ZMYND8: variants seen among roughly 807,000 people sequenced by gnomAD.
ZMYND8 encodes the protein zinc finger MYND-type containing 8.
In ZMYND8, 37 loss-of-function variants were observed where a neutral mutation model predicts 140.8. The ratio of observed to expected loss-of-function variants is 0.26; its 90% CI spans 0.20 to 0.35. The LOEUF is 0.35. Ranked by LOEUF, ZMYND8 falls within the 10% of genes least tolerant of loss-of-function variation. The pLI, the probability that ZMYND8 is intolerant of heterozygous loss-of-function variation, is 1.00. For missense variants in ZMYND8, 1,068 were observed against 1,570.0 expected (o/e 0.68, Z 5.40); for synonymous variants, 592 against 597.1 (o/e 0.99, Z 0.12).
rs189439141 is a variant in ZMYND8, at chr20:47,316,526, C to T, written c.86-6322G>A. 1.3e-3 allele frequency among the ~76,000 whole-genome samples: 202 copies of T among 151,982 alleles called. 2 individuals carry two copies. The highest frequency in any genetic ancestry group is 4.7e-3 in the African/African-American group (195 of 41,474). On this transcript the variant is annotated intron_variant, in intron 2 of 22. Coordinates refer to ENST00000471951, the MANE Select transcript of ZMYND8 (RefSeq NM_001281775.3). ...TAAGAGTTTCGGCCAGGTGTGGTGGCTCACACCCATAATCCCAGCACTTTG... is the reference window on the plus strand; with the variant it reads ...TAAGAGTTTCGGCCAGGTGTGGTGGTTCACACCCATAATCCCAGCACTTTG...
chr20:47,261,520 AGAGT>A (rs2075147950), intron 12 of ZMYND8, among the ~76,000 whole-genome samples: 1 of 151,814 alleles, frequency 6.6e-6, no homozygotes, highest in African/African-American at 2.4e-5. Context: ...CCTGGGTGAC[AGAGT>A]GAGACCCCAT....
At position 47,246,207 on chromosome 20, in the gene ZMYND8, A is replaced by G. The variant is rs2040544266; in HGVS notation, c.2085T>C (p.Phe695=). Residue 695 remains phenylalanine (F), a synonymous_variant, in exon 14 of 23, where the codon TTT becomes TTC. Transcript: ENST00000471951. ...DKASPEPEKD[F]SEKAKPSPHP... ...GAGGTGAAGGTTTTGCCTTTTCGGA[A>G]AAGTCCTTCTCAGGCTCAGGGCTGG... The G allele has an allele frequency of 5.0e-6, 8 of 1,614,148 alleles. No homozygotes were observed. The highest frequency in any genetic ancestry group is 6.8e-6 in the Non-Finnish European group (8 of 1,180,032).
Position 47,345,803 on chromosome 20 carries a change from T to C in ZMYND8, c.85+2053A>G, listed in dbSNP as rs548946417. 1.0e-3 allele frequency among the ~76,000 whole-genome samples: 151 copies of C among 144,502 alleles called. 1 individual carries two copies. The highest frequency in any genetic ancestry group is 2.6e-3 in the South Asian group (12 of 4,536). The allele number at this position is 144,502 out of a possible 152,430, so 94.8% of individuals were successfully genotyped here. ...AGATTACAGGCGTGAGCCAACGCAC[T>C]CTGTCCACTTTTTTTTTTTTAATAG... On this transcript the variant is annotated intron_variant, in intron 2 of 22. Coordinates refer to ENST00000471951, the MANE Select transcript of ZMYND8 (RefSeq NM_001281775.3).
At chr20:47,324,520 A>T (rs2080251975) in intron 2 of ZMYND8, among the ~76,000 whole-genome samples, 1 of 152,166 alleles carries the variant, frequency 6.6e-6, no homozygotes, top group Non-Finnish European at 1.5e-5. Context: ...TGTCTCAAAA[A>T]ATAAAAAAGT....
intron 8 of ZMYND8, among the ~76,000 whole-genome samples, chr20:47,284,537 C>T (rs1232112135): frequency 6.6e-6 from 1 of 152,110 alleles, no homozygotes; most frequent in African/African-American, 2.4e-5. Context: ...CCCTCAAAGC[C>T]ACATGTGATC....
intron 2 of ZMYND8, among the ~76,000 whole-genome samples, chr20:47,316,266 G>C (rs2079388484): frequency 6.6e-6 from 1 of 151,368 alleles, no homozygotes; most frequent in Admixed American, 6.6e-5. Flanking sequence ...AGGAGGCGGA[G>C]GTTGCAGTAA....
At chr20:47,261,570 TCATCATCATCATCATCATCATC>T (rs2075157312) in intron 12 of ZMYND8, among the ~76,000 whole-genome samples, 2 of 151,192 alleles carry the variant, frequency 1.3e-5, no homozygotes, top group Non-Finnish European at 2.9e-5. Flanking sequence ...ATCATCATCA[TCATCATCATCATCATCATCATC>T]ATCCAGGGAA....
At chr20:47,294,806 G>A (rs369273362) in intron 4 of ZMYND8, 27 bp from the exon 5 acceptor site, 28 of 1,599,016 alleles carry the variant, frequency 1.8e-5, no homozygotes, top group South Asian at 1.1e-4. Context: ...ATACATAAAC[G>A]TCCGGTTAGA....
chr20:47,220,481 C>T (rs1353430014), intron 20 of ZMYND8, among the ~76,000 whole-genome samples, 157 bp from the exon 21 acceptor site: 12 of 152,320 alleles, frequency 7.9e-5, no homozygotes, highest in Non-Finnish European at 1.5e-4. Context: ...GGGCACAGGG[C>T]GGCCAGGTGG....
At chr20:47,328,611 G>A (rs888304256) in intron 2 of ZMYND8, among the ~76,000 whole-genome samples, 9 of 151,938 alleles carry the variant, frequency 5.9e-5, no homozygotes, top group Non-Finnish European at 1.2e-4. Context: ...TTACAGGCGC[G>A]TGCCACCACA....
chr20:47,337,301 G>A (rs1035883692), intron 2 of ZMYND8, among the ~76,000 whole-genome samples: 7 of 152,134 alleles, frequency 4.6e-5, no homozygotes, highest in South Asian at 4.1e-4. Context: ...GCAGTAAGCC[G>A]AGATAGGCAC....
At chr20:47,227,375 G>T in intron 17 of ZMYND8, 94 bp from the exon 18 acceptor site, 1 of 1,204,406 alleles carries the variant, frequency 8.3e-7, no homozygotes, top group Non-Finnish European at 1.2e-6. Context: ...TGAGGGGTAT[G>T]GGAATCATGC....
chr20:47,239,040 C>T lies in ZMYND8; in HGVS notation c.2383G>A (p.Ala795Thr), dbSNP rs1367408712. 5 of 1,580,882 alleles carry T rather than the reference C, an allele frequency of 3.2e-6. No individual in the cohort carries two copies. Among genetic ancestry groups the T allele is most frequent in the South Asian group, 1.1e-5 (1 of 87,164 alleles). The change falls in exon 15 of 23, where the codon GCC (alanine) becomes ACC (threonine). Residue 795 changes from alanine (A) to threonine (T), a missense_variant. By Grantham distance (58) the Ala-to-Thr change is moderately conservative. Around this residue, in one of 10 missense-constraint regions of ZMYND8, gnomAD observed 383 missense variants for 431.2 expected, o/e 0.89. Transcript: ENST00000471951. ...RSSAQTSAAG[A>T]TATTSTSSTV... ...GAGGACGTGCTGGTGGTGGCTGTGG[C>T]GCCAGCCGCGGAAGTTTGGGCGGAA...
chr20:47,279,056 G>A lies in ZMYND8; in HGVS notation c.999-2261C>T, dbSNP rs555881218. Among the ~76,000 whole-genome samples the A allele has an allele frequency of 9.2e-5, 14 of 152,018 alleles. No individual in the cohort carries two copies. The South Asian group carries it at 2.5e-3, about 27-fold the overall frequency. On this transcript the variant is annotated intron_variant, in intron 10 of 22. Coordinates refer to ENST00000471951, the MANE Select transcript of ZMYND8 (RefSeq NM_001281775.3). The stretch of plus-strand genomic sequence containing the variant: ...TATCATAACCTCGCCCCCCTGACCT[G>A]CTCCACACCCACCTCACCCACACAC...
intron 16 of ZMYND8, among the ~76,000 whole-genome samples, chr20:47,230,722 T>C (rs1337725019): frequency 1.3e-5 from 2 of 152,214 alleles, no homozygotes; most frequent in Non-Finnish European, 1.5e-5. Flanking sequence ...ATTTAAAGTA[T>C]ACAATTCAAT....
At chr20:47,212,564 C>A (rs980755556) in intron 22 of ZMYND8, 78 bp downstream of exon 22, 1 of 1,500,366 alleles carries the variant, frequency 6.7e-7, no homozygotes, top group Non-Finnish European at 9.3e-7. Context: ...GGAACACATA[C>A]ACGGACACAC....
chr20:47,333,362 G>C (rs1007551215), intron 2 of ZMYND8, among the ~76,000 whole-genome samples: 3 of 151,774 alleles, frequency 2.0e-5, no homozygotes, highest in Admixed American at 1.3e-4. Context: ...AGCACTTTGA[G>C]AGACTGAGGG....
At chr20:47,258,391 G>A (rs2074914662) in intron 12 of ZMYND8, among the ~76,000 whole-genome samples, 1 of 152,202 alleles carries the variant, frequency 6.6e-6, no homozygotes, top group South Asian at 2.1e-4. Context: ...AAAGGTTGTT[G>A]TAATTTTTAA....
chr20:47,309,862 G>A (rs910799974), intron 3 of ZMYND8, among the ~76,000 whole-genome samples, 194 bp downstream of exon 3: 6 of 151,846 alleles, frequency 4.0e-5, no homozygotes, highest in Non-Finnish European at 7.4e-5. Context: ...CCCCGAAACA[G>A]ATCTGAAAAC....
Sources: allele counts gnomAD v4.1 joint callset (sites outside exome capture counted in the v4.1 genomes callset), GRCh38; gene constraint gnomAD v4.1.1; regional missense constraint gnomAD v4.1.1; transcripts MANE v1.5; gene names NCBI Gene and HGNC (gene_info 2026-07-23, HGNC 2026-07-21).